FARS2: variants seen among roughly 807,000 people sequenced by gnomAD.
FARS2 encodes the protein phenylalanine--tRNA ligase, mitochondrial.
Under a neutral mutation model 46.4 loss-of-function variants are expected in FARS2, and 40 were observed. The observed-to-expected ratio is 0.86, with a 90% CI of 0.67 to 1.12. The LOEUF is 1.12. Ranked by LOEUF, FARS2 falls within the 50% of genes most tolerant of loss-of-function variation. The pLI, the probability that FARS2 is intolerant of heterozygous loss-of-function variation, is 0.00. For synonymous variants in FARS2, 234 were observed against 214.9 expected, an observed-to-expected ratio of 1.09 and a Z score of -0.78; for missense variants, 513 against 567.9, an observed-to-expected ratio of 0.90 and a Z score of 0.98.
At chr6:5,651,413 G>T (rs976610091) in intron 6 of FARS2, among the ~76,000 whole-genome samples, 10 of 152,186 alleles carry the variant, frequency 6.6e-5, no homozygotes, top group Non-Finnish European at 1.5e-4. Flanking sequence ...ATCACCAACA[G>T]GCCTTCATCT....
rs1414591456 is a variant in FARS2 at position 5,315,745 on chromosome 6, T to TCTTTCTTTCTTTCTTTCTTTCTTC, written c.-21-52789_-21-52788insCTTTCTTCCTTTCTTTCTTTCTTT. On this transcript the variant is annotated intron_variant, in intron 1 of 6. Coordinates refer to ENST00000274680, the MANE Select transcript of FARS2 (RefSeq NM_006567.5). ...TTCTTTCTTTCTTTCTTTTTTCCTTTCTTTCTTTCTTTCTTTTTTTTGGGG... is the reference window on the plus strand; with the variant it reads ...TTCTTTCTTTCTTTCTTTTTTCCTTTCTTTCTTTCTTTCTTTCTTTCTTCCTTTCTTTCTTTCTTTTTTTTGGGG... Among the ~76,000 whole-genome samples the TCTTTCTTTCTTTCTTTCTTTCTTC allele has an allele frequency of 4.1e-3, 611 of 150,272 alleles. 5 individuals are homozygous for TCTTTCTTTCTTTCTTTCTTTCTTC. Among genetic ancestry groups the TCTTTCTTTCTTTCTTTCTTTCTTC allele is most frequent in the African/African-American group, 9.0e-3 (366 of 40,504 alleles).
chr6:5,395,052 T>C (rs2032989), intron 2 of FARS2, among the ~76,000 whole-genome samples: 71,168 of 151,784 alleles, frequency 0.47, 18,613 homozygotes, highest in African/African-American at 0.71. Flanking sequence ...ACCGTCAACA[T>C]TGTGCTGATT....
At chr6:5,488,720 G>C (rs181474266) in intron 4 of FARS2, among the ~76,000 whole-genome samples, 1 of 152,048 alleles carries the variant, frequency 6.6e-6, no homozygotes, top group Admixed American at 6.5e-5. Flanking sequence ...CATTATCTTT[G>C]GTAAAATCAC....
intron 4 of FARS2, among the ~76,000 whole-genome samples, chr6:5,447,027 G>A (rs1409521002): frequency 6.6e-6 from 1 of 152,206 alleles, no homozygotes; most frequent in African/African-American, 2.4e-5. Flanking sequence ...GGCTACGAAT[G>A]CAAAATCGAA....
At chr6:5,356,175 G>T (rs748582576) in intron 1 of FARS2, among the ~76,000 whole-genome samples, 1 of 152,214 alleles carries the variant, frequency 6.6e-6, no homozygotes, top group Non-Finnish European at 1.5e-5. Flanking sequence ...ACGGCTAGGC[G>T]CTGTGGCTTA....
chr6:5,655,137 G>T (rs1029155477), intron 6 of FARS2, among the ~76,000 whole-genome samples: 5 of 152,112 alleles, frequency 3.3e-5, no homozygotes, highest in African/African-American at 9.7e-5. Flanking sequence ...GTGAGGGGTT[G>T]GTGGCCCCAA....
At chr6:5,441,399 C>T (rs1229957298) in intron 4 of FARS2, among the ~76,000 whole-genome samples, 2 of 152,172 alleles carry the variant, frequency 1.3e-5, no homozygotes, top group Non-Finnish European at 2.9e-5. Context: ...TATAAGCAAT[C>T]ACATTCTGAA....
At chr6:5,291,027 A>G (rs1767466499) in intron 1 of FARS2, 1 of 152,220 alleles carries the variant, frequency 6.6e-6, no homozygotes, top group South Asian at 2.1e-4. Context: ...GCCTGTGCTA[A>G]TCTTAGAAGG....
chr6:5,498,114 G>A (rs141703620), intron 4 of FARS2, among the ~76,000 whole-genome samples: 71 of 152,308 alleles, frequency 4.7e-4, no homozygotes, highest in African/African-American at 1.6e-3. Context: ...TGAGTTAGGC[G>A]ATTTGATGTT....
chr6:5,277,975 C>T (rs779125373), intron 1 of FARS2, among the ~76,000 whole-genome samples: 14 of 152,154 alleles, frequency 9.2e-5, no homozygotes, highest in Non-Finnish European at 1.6e-4. Flanking sequence ...TTATATCCTG[C>T]TCCGTTTGGA....
At chr6:5,491,351 A>T (rs906817757) in intron 4 of FARS2, among the ~76,000 whole-genome samples, 1 of 152,148 alleles carries the variant, frequency 6.6e-6, no homozygotes, top group Non-Finnish European at 1.5e-5. Context: ...GAGAATCCTT[A>T]CCAGATGCAG....
intron 3 of FARS2, among the ~76,000 whole-genome samples, chr6:5,430,162 G>A (rs965208287): frequency 6.6e-6 from 1 of 152,096 alleles, no homozygotes; most frequent in African/African-American, 2.4e-5. Context: ...CCTAAAAAAA[G>A]AAGAGGTCGG....
At chr6:5,315,124 G>A (rs537240583) in intron 1 of FARS2, among the ~76,000 whole-genome samples, 1 of 152,326 alleles carries the variant, frequency 6.6e-6, no homozygotes, top group African/African-American at 2.4e-5. Context: ...TTCTTTAAGT[G>A]ACTTGGATTT....
chr6:5,290,421 C>T (rs547055478), intron 1 of FARS2, among the ~76,000 whole-genome samples: 3 of 152,142 alleles, frequency 2.0e-5, no homozygotes, highest in Non-Finnish European at 2.9e-5. Context: ...AAGATCACAG[C>T]AATTTGGGTA....
intron 3 of FARS2, 74 bp downstream of exon 3, chr6:5,404,775 T>G (rs1761464130): frequency 1.1e-5 from 11 of 1,005,786 alleles, no homozygotes; most frequent in Middle Eastern, 3.6e-4. Flanking sequence ...ATTTGGGTTT[T>G]TTTTTTTTTT....
At chr6:5,726,225 G>T (rs1286692612) in intron 6 of FARS2, among the ~76,000 whole-genome samples, 1 of 151,968 alleles carries the variant, frequency 6.6e-6, no homozygotes, top group Non-Finnish European at 1.5e-5. Flanking sequence ...CCCTCATCAG[G>T]GGTTACAATA....
intron 4 of FARS2, among the ~76,000 whole-genome samples, chr6:5,537,546 C>A (rs111356206): frequency 2.6e-5 from 3 of 115,634 alleles, no homozygotes; most frequent in Admixed American, 2.4e-4. Context: ...GGCCTCCTCT[C>A]GAGTTGGAGA....
chr6:5,506,177 C>T (rs1217222419), intron 4 of FARS2, among the ~76,000 whole-genome samples: 2 of 152,148 alleles, frequency 1.3e-5, no homozygotes, highest in African/African-American at 4.8e-5. Context: ...AAAGCCTATT[C>T]CCAACTTCAA....
intron 1 of FARS2, among the ~76,000 whole-genome samples, chr6:5,308,320 A>G (rs886248294): frequency 6.6e-6 from 1 of 152,170 alleles, no homozygotes; most frequent in African/African-American, 2.4e-5. Flanking sequence ...AAATCACCAA[A>G]GGGTTTGAGT....
Sources: gnomAD v4.1 joint callset for allele counts (sites outside exome capture counted in the v4.1 genomes callset) on GRCh38, gnomAD v4.1.1 for gene constraint, MANE v1.5 for transcripts, NCBI Gene and HGNC (gene_info 2026-07-23, HGNC 2026-07-21) for gene names.